The following PATJ variants were observed in gnomAD, a reference collection of about 807,000 sequenced individuals.
The protein encoded by PATJ is inaD-like protein.
PATJ carries 190 observed loss-of-function variants against 224.9 expected under a neutral mutation model. That is an observed-to-expected ratio of 0.84 (90% CI 0.75 to 0.95). PATJ has a LOEUF of 0.95. Among genes scored for constraint, PATJ ranks in the 40% least tolerant of loss-of-function variants. The pLI is 0.00. For missense variants in PATJ, 2,121 were observed against 2,270.3 expected, an observed-to-expected ratio of 0.93 and a Z score of 1.34; for synonymous variants, 769 against 820.3, an observed-to-expected ratio of 0.94 and a Z score of 1.07.
chr1:61,997,711 T>G (rs1338332753), intron 28 of PATJ, among the ~76,000 whole-genome samples: 1 of 151,962 alleles, frequency 6.6e-6, no homozygotes, highest in Non-Finnish European at 1.5e-5. Flanking sequence ...AGTACTAGTT[T>G]AAAACACCCA....
At chr1:61,952,608 C>T (rs1353763549) in intron 27 of PATJ, among the ~76,000 whole-genome samples, 1 of 152,224 alleles carries the variant, frequency 6.6e-6, no homozygotes, top group Non-Finnish European at 1.5e-5. Context: ...AATTTTCTTT[C>T]ATGTGCACTG....
rs79544116 is a variant in PATJ, at chr1:62,110,881, C to T, written c.4461+2361C>T. On this transcript the variant is annotated intron_variant, in intron 34 of 43. Transcript: ENST00000642238. ...CAAATAGGAAGCCCTGCTATTTCCA[C>T]CCCTCTTCCTCTACAGCCAATGTTC... Among the ~76,000 whole-genome samples, 468 of 152,316 alleles carry T rather than the reference C, an allele frequency of 3.1e-3. 17 individuals carry two copies. In the East Asian group the frequency reaches 0.079, roughly 26 times the overall value.
Position 61,797,387 on chromosome 1 carries a change from C to T in PATJ, c.1361C>T (p.Thr454Ile), listed in dbSNP as rs747355410. 1.5e-5 allele frequency: 24 copies of T among 1,613,750 alleles called. 1 individual carries two copies. In the Middle Eastern group the frequency reaches 8.2e-4, roughly 55 times the overall value. The change falls in exon 11 of 44, where the codon ACA (threonine) becomes ATA (isoleucine). Residue 454 changes from threonine to isoleucine, a missense_variant. Coordinates refer to ENST00000642238, the MANE Select transcript of PATJ (RefSeq NM_001350145.3). ...VVHLTLVRRK[T>I]SSSTSPLEPP... ...CACCTAACCCTAGTTCGAAGGAAGACATCCTCATCTACTTCTCCACTTGAA... is the reference window on the plus strand; with the variant it reads ...CACCTAACCCTAGTTCGAAGGAAGATATCCTCATCTACTTCTCCACTTGAA...
intron 23 of PATJ, 57 bp from the exon 24 acceptor site, chr1:61,901,225 A>G: frequency 6.4e-6 from 7 of 1,087,748 alleles, no homozygotes; most frequent in Non-Finnish European, 8.9e-6. Context: ...TGGAATACTT[A>G]CAGTCCAACA....
At chr1:62,122,902 T>TG in intron 38 of PATJ, 119 bp from the exon 39 acceptor site, 1 of 541,470 alleles carries the variant, frequency 1.8e-6, no homozygotes, top group Non-Finnish European at 3.0e-6. Flanking sequence ...AATACCTGCT[T>TG]GCTTTAGTGT....
intron 27 of PATJ, among the ~76,000 whole-genome samples, chr1:61,980,616 A>C (rs760965214): frequency 1.4e-4 from 22 of 152,040 alleles, no homozygotes; most frequent in Non-Finnish European, 2.9e-4. Context: ...TTTTCAGTGA[A>C]ATTGAAATTA....
chr1:61,887,968 GCAA>G (rs1383888024), intron 22 of PATJ, among the ~76,000 whole-genome samples: 1 of 152,172 alleles, frequency 6.6e-6, no homozygotes, highest in African/African-American at 2.4e-5. Flanking sequence ...TCTCTGTTCA[GCAA>G]CCTGAAATTT....
intron 7 of PATJ, among the ~76,000 whole-genome samples, chr1:61,784,021 G>A (rs548902742): frequency 5.9e-4 from 89 of 152,006 alleles, no homozygotes; most frequent in South Asian, 1.0e-3. Flanking sequence ...CTGACCTCAG[G>A]TGATCTGCCC....
At chr1:61,908,287 C>T in intron 24 of PATJ, 85 bp from the exon 25 acceptor site, 1 of 857,638 alleles carries the variant, frequency 1.2e-6, no homozygotes, top group Admixed American at 2.2e-5. Context: ...GTTCTTATAA[C>T]TAGATAATGC....
In PATJ at chr1:61,833,695, TG is replaced by T; in HGVS notation, c.2026del (p.Glu676AsnfsTer2). On this transcript the variant is annotated frameshift_variant, in exon 17 of 44. Coordinates refer to ENST00000642238, the MANE Select transcript of PATJ (RefSeq NM_001350145.3). LOFTEE classifies it high-confidence loss of function. ...ATGTCAATACTGAAGAAGATGATGA[TG>T]GGGAATTAGCACTGTGGTCCCCTGA... ...MDVNTEEDDD[G>X]ELALWSPEVK... 1.2e-6 allele frequency: 2 copies of T among 1,613,536 alleles called. No homozygotes were observed. Among genetic ancestry groups the T allele is most frequent in the Non-Finnish European group, 1.7e-6 (2 of 1,179,614 alleles).
At chr1:62,149,095 T>A (rs1668364791) in intron 42 of PATJ, among the ~76,000 whole-genome samples, 1 of 135,770 alleles carries the variant, frequency 7.4e-6, no homozygotes, top group South Asian at 2.3e-4. Context: ...ACTACTGCAC[T>A]CCAGCCTGGG....
intron 13 of PATJ, among the ~76,000 whole-genome samples, chr1:61,805,963 A>G (rs528782624): frequency 6.6e-6 from 1 of 152,378 alleles, no homozygotes; most frequent in East Asian, 1.9e-4. Flanking sequence ...TTTTATGTGA[A>G]AAATGAAAGA....
chr1:61,894,275 A>AACAAAAC lies in PATJ; in HGVS notation c.3132-5307_3132-5306insCAAAACA, dbSNP rs1670046246. Among the ~76,000 whole-genome samples, 4 of 150,604 alleles carry AACAAAAC rather than the reference A, an allele frequency of 2.7e-5. No homozygotes were observed. In the East Asian group the frequency reaches 5.8e-4, roughly 22 times the overall value. On this transcript the variant is annotated intron_variant, in intron 22 of 43. Coordinates refer to ENST00000642238, the MANE Select transcript of PATJ (RefSeq NM_001350145.3). ...ATCTCATAAAAAAAAAAAAACACAAAAAAAAAACAGAGAATTCTAAAATAC... is the reference window on the plus strand; with the variant it reads ...ATCTCATAAAAAAAAAAAAACACAAAACAAAACAAAAAAACAGAGAATTCTAAAATAC...
chr1:61,997,814 TGTTTTGTTTTA>T (rs147278635), intron 28 of PATJ, among the ~76,000 whole-genome samples: 19,398 of 124,010 alleles, frequency 0.16, 1,644 homozygotes, highest in Non-Finnish European at 0.2. Context: ...TGTTTTGTTT[TGTTTTGTTTTA>T]AAAAAAAAAA....
chr1:61,816,238 C>T (rs1470393608), intron 14 of PATJ, among the ~76,000 whole-genome samples: 1 of 152,080 alleles, frequency 6.6e-6, no homozygotes, highest in Non-Finnish European at 1.5e-5. Flanking sequence ...TGTTCAGTTA[C>T]CAGGGCCGGT....
chr1:62,153,257 T>C (rs1296354166), intron 42 of PATJ, 101 bp from the exon 43 acceptor site: 1 of 890,216 alleles, frequency 1.1e-6, no homozygotes, highest in Non-Finnish European at 1.5e-6. Flanking sequence ...CTTCATAGTT[T>C]TGCAGTATGA....
intron 22 of PATJ, among the ~76,000 whole-genome samples, chr1:61,893,978 G>A (rs1160788566): frequency 1.3e-5 from 2 of 151,976 alleles, no homozygotes; most frequent in Non-Finnish European, 2.9e-5. Context: ...ACAGAAGGCC[G>A]GGCATGTGGC....
chr1:61,989,847 G>A (rs1472618828), intron 27 of PATJ, among the ~76,000 whole-genome samples: 2 of 152,250 alleles, frequency 1.3e-5, no homozygotes, highest in East Asian at 1.9e-4. Context: ...CTAAGGCCAT[G>A]CATGACCTTA....
Position 61,851,574 on chromosome 1 carries a change from C to T in PATJ, c.2113-4456C>T, listed in dbSNP as rs199577750. ...GCAGTTCTGAAGGATTTTCCTTCCACGAAGAATAAAGGAGTTAGGACTTTA... is the reference window on the plus strand; with the variant it reads ...GCAGTTCTGAAGGATTTTCCTTCCATGAAGAATAAAGGAGTTAGGACTTTA... On this transcript the variant is annotated intron_variant, in intron 17 of 43. Transcript: ENST00000642238. Among the ~76,000 whole-genome samples, 5 of 152,052 alleles carry T rather than the reference C, an allele frequency of 3.3e-5. No individual in the cohort carries two copies. The East Asian group carries it at 5.8e-4, about 18-fold the overall frequency.
Sources: allele counts gnomAD v4.1 joint callset (sites outside exome capture counted in the v4.1 genomes callset), GRCh38; gene constraint gnomAD v4.1.1; transcripts MANE v1.5; gene names NCBI Gene and HGNC (gene_info 2026-07-23, HGNC 2026-07-21).